Variants in RBFOX1 observed in about 807,000 individuals in gnomAD.
The protein encoded by RBFOX1 is RNA binding fox-1 homolog 1.
A neutral mutation model predicts 57.7 loss-of-function variants in RBFOX1; 8 were observed. The observed-to-expected ratio is 0.14, with a 90% CI of 0.08 to 0.25. The LOEUF (loss-of-function observed/expected upper bound fraction) is 0.25. Among genes scored for constraint, RBFOX1 ranks in the 10% least tolerant of loss-of-function variants. The pLI is 1.00. For synonymous variants in RBFOX1, 326 were observed against 222.4 expected (o/e 1.47, Z -4.15); for missense variants, 611 against 548.5 (o/e 1.11, Z -1.14).
At chr16:6,955,638 A>G (rs966518045) in intron 3 of RBFOX1, among the ~76,000 whole-genome samples, 1 of 151,762 alleles carries the variant, frequency 6.6e-6, no homozygotes, top group Admixed American at 6.6e-5. Flanking sequence ...GAAAATTAAT[A>G]GTATTTTTCA....
At chr16:5,631,532 G>C (rs1026631865) in intron 3 of RBFOX1, among the ~76,000 whole-genome samples, 3 of 151,398 alleles carry the variant, frequency 2.0e-5, no homozygotes, top group Non-Finnish European at 2.9e-5. Context: ...ACTCCAGCCT[G>C]GTGACAGACC....
intron 1 of RBFOX1, among the ~76,000 whole-genome samples, chr16:6,217,089 T>C (rs1009815786): frequency 1.3e-5 from 2 of 151,904 alleles, no homozygotes; most frequent in African/African-American, 4.8e-5. Context: ...GCTAGATTAA[T>C]GGGTTGGCTA....
At chr16:5,326,806 A>G (rs149541461) in intron 1 of RBFOX1, among the ~76,000 whole-genome samples, 1 of 152,354 alleles carries the variant, frequency 6.6e-6, no homozygotes, top group East Asian at 1.9e-4. Flanking sequence ...CCTGCTAGGC[A>G]CTATCTGCTA....
intron 4 of RBFOX1, among the ~76,000 whole-genome samples, chr16:7,178,916 G>A (rs1036371108): frequency 3.9e-5 from 6 of 152,214 alleles, no homozygotes; most frequent in Non-Finnish European, 5.9e-5. Context: ...TAACAAGATC[G>A]TAAATAATAG....
intron 4 of RBFOX1, among the ~76,000 whole-genome samples, chr16:6,009,990 G>A (rs564546826): frequency 1.1e-4 from 17 of 152,270 alleles, no homozygotes; most frequent in African/African-American, 2.9e-4. Context: ...TTGACATTCC[G>A]TCAGTGGAGC....
intron 1 of RBFOX1, among the ~76,000 whole-genome samples, chr16:5,401,906 A>G (rs570487789): frequency 1.3e-5 from 2 of 150,904 alleles, no homozygotes; most frequent in African/African-American, 2.4e-5. Flanking sequence ...TCTTTTCTCT[A>G]TTTTTACTGC....
intron 3 of RBFOX1, among the ~76,000 whole-genome samples, chr16:6,770,607 T>G (rs1001122906): frequency 2.0e-5 from 3 of 151,094 alleles, no homozygotes; most frequent in Non-Finnish European, 4.4e-5. Flanking sequence ...TTTTTTTTTT[T>G]AATGTGAGAA....
chr16:7,331,726 G>A (rs971697098), intron 4 of RBFOX1, among the ~76,000 whole-genome samples: 4 of 152,076 alleles, frequency 2.6e-5, no homozygotes, highest in African/African-American at 9.7e-5. Context: ...GTTCAGAGAG[G>A]CTAAGTAACT....
intron 4 of RBFOX1, among the ~76,000 whole-genome samples, chr16:5,878,657 T>C (rs2057682563): frequency 6.6e-6 from 1 of 152,144 alleles, no homozygotes. Context: ...GACTTAGGGC[T>C]GATATCCCAC....
chr16:6,858,451 G>A (rs961061334), intron 3 of RBFOX1, among the ~76,000 whole-genome samples: 2 of 152,074 alleles, frequency 1.3e-5, no homozygotes, highest in Admixed American at 1.3e-4. Context: ...TCTCGTTATG[G>A]GAAGGACTTA....
At chr16:7,317,525 T>C (rs540351196) in intron 4 of RBFOX1, among the ~76,000 whole-genome samples, 1 of 152,266 alleles carries the variant, frequency 6.6e-6, no homozygotes, top group South Asian at 2.1e-4. Context: ...ACTGGTCTCA[T>C]GTATGAGTTG....
rs145790963 is a variant in RBFOX1, at chr16:7,378,318, A to G, written c.28-139829A>G. On this transcript the variant is annotated intron_variant, in intron 4 of 15. Coordinates refer to ENST00000550418, the MANE Select transcript of RBFOX1 (RefSeq NM_018723.4). ...ACGTAGTGGTGATGACGAAGCTTCT[A>G]TCTTTCAGGGTCTACGGTTTAGGGA... is the stretch of plus-strand genomic sequence containing the variant. 9.5e-4 allele frequency among the ~76,000 whole-genome samples: 145 copies of G among 152,306 alleles called. 1 individual carries two copies. Among genetic ancestry groups the G allele is most frequent in the African/African-American group, 3.2e-3 (133 of 41,578 alleles).
At position 7,668,513 on chromosome 16, in the gene RBFOX1, C is replaced by A. The variant is rs1055550187; in HGVS notation, c.930+3545C>A. ...CTTCAATCCTATTCAGGAGCTGAGC[C>A]CTGCAGGAAACCCACTGCCTCTAGC... On this transcript the variant is annotated intron_variant, in intron 13 of 15. Coordinates refer to ENST00000550418, the MANE Select transcript of RBFOX1 (RefSeq NM_018723.4). Among the ~76,000 whole-genome samples the A allele has an allele frequency of 2.6e-5, 4 of 152,028 alleles. No homozygotes were observed. In the East Asian group the frequency reaches 5.8e-4, roughly 22 times the overall value.
intron 4 of RBFOX1, among the ~76,000 whole-genome samples, chr16:7,449,646 T>C (rs898513789): frequency 2.0e-5 from 3 of 150,644 alleles, no homozygotes; most frequent in Non-Finnish European, 4.4e-5. Context: ...AAACCATGGC[T>C]GTTACATAGT....
At chr16:6,847,944 C>G (rs917086992) in intron 3 of RBFOX1, among the ~76,000 whole-genome samples, 1 of 152,044 alleles carries the variant, frequency 6.6e-6, no homozygotes. Flanking sequence ...ATTATCCTGC[C>G]TCAGCCTCCC....
At chr16:7,573,433 G>T (rs1022123353) in intron 5 of RBFOX1, among the ~76,000 whole-genome samples, 1 of 152,048 alleles carries the variant, frequency 6.6e-6, no homozygotes, top group East Asian at 1.9e-4. Flanking sequence ...TTTACTGACT[G>T]CCCTCAATTT....
At chr16:5,542,649 A>T (rs1490764996) in intron 2 of RBFOX1, among the ~76,000 whole-genome samples, 1 of 152,180 alleles carries the variant, frequency 6.6e-6, no homozygotes, top group African/African-American at 2.4e-5. Context: ...AAGACCACGC[A>T]ACACTTCCAT....
intron 1 of RBFOX1, among the ~76,000 whole-genome samples, chr16:6,139,392 T>C (rs1478279991): frequency 1.3e-5 from 2 of 152,178 alleles, no homozygotes; most frequent in Non-Finnish European, 2.9e-5. Context: ...CCCAAGTCAC[T>C]TTCTCCATGT....
intron 1 of RBFOX1, among the ~76,000 whole-genome samples, chr16:6,072,010 A>G (rs28768188): frequency 0.065 from 9,877 of 152,264 alleles, 875 homozygotes; most frequent in African/African-American, 0.2. Flanking sequence ...TAATAAAGAC[A>G]TACCCAAGAC....
Sources: allele counts gnomAD v4.1 joint callset (sites outside exome capture counted in the v4.1 genomes callset), GRCh38; gene constraint gnomAD v4.1.1; transcripts MANE v1.5; gene names NCBI Gene and HGNC (gene_info 2026-07-23, HGNC 2026-07-21).